SMIM14: variants seen among roughly 807,000 people sequenced by gnomAD.
SMIM14 encodes the protein small integral membrane protein 14, also known as chromosome 4 open reading frame 34.
In SMIM14, 5 loss-of-function variants were observed where a neutral mutation model predicts 12.6. The observed-to-expected ratio is 0.40, with a 90% CI of 0.21 to 0.83. SMIM14 has a LOEUF of 0.83. Among genes scored for constraint, SMIM14 ranks in the 40% least tolerant of loss-of-function variants. The probability of loss-of-function intolerance (pLI) is 0.37; values close to 1 mark genes in which losing one functional copy is unlikely to be tolerated. For synonymous variants in SMIM14, 30 were observed against 40.1 expected, an observed-to-expected ratio of 0.75 and a Z score of 0.95; for missense variants, 86 against 119.1, an observed-to-expected ratio of 0.72 and a Z score of 1.29.
chr4:39,583,599 T>A (rs1249298394), intron 2 of SMIM14, among the ~76,000 whole-genome samples: 1 of 152,112 alleles, frequency 6.6e-6, no homozygotes, highest in African/African-American at 2.4e-5. Flanking sequence ...TGGCTCCCTA[T>A]TGTTCTAGTT....
intron 2 of SMIM14, among the ~76,000 whole-genome samples, chr4:39,573,243 C>T (rs1712993533): frequency 1.3e-5 from 2 of 151,908 alleles, no homozygotes; most frequent in Non-Finnish European, 2.9e-5. Flanking sequence ...TTACAGGCAC[C>T]CGCCACCACA....
At chr4:39,571,013 T>C (rs1357057578) in intron 3 of SMIM14, among the ~76,000 whole-genome samples, 2 of 152,118 alleles carry the variant, frequency 1.3e-5, no homozygotes, top group East Asian at 3.9e-4. Context: ...ATTTTACTAG[T>C]TCCCCTTAAA....
At chr4:39,603,692 T>C (rs1457275867) in intron 2 of SMIM14, among the ~76,000 whole-genome samples, 1 of 152,132 alleles carries the variant, frequency 6.6e-6, no homozygotes, top group Non-Finnish European at 1.5e-5. Context: ...TCTACCTCTG[T>C]CAAATAATTG....
At chr4:39,573,113 A>G (rs887640098) in intron 2 of SMIM14, among the ~76,000 whole-genome samples, 1 of 149,684 alleles carries the variant, frequency 6.7e-6, no homozygotes, top group Non-Finnish European at 1.5e-5. Flanking sequence ...TATTATTATT[A>G]TTATTTAGTT....
At chr4:39,563,731 A>G (rs996150417) in intron 3 of SMIM14, among the ~76,000 whole-genome samples, 11 of 152,268 alleles carry the variant, frequency 7.2e-5, no homozygotes, top group African/African-American at 2.4e-4. Flanking sequence ...CTGGACTAGT[A>G]TAGCATTTCT....
rs1747409001 is a variant in SMIM14, at chr4:39,548,011, T to C, written c.*4115A>G. The C allele has an allele frequency of 6.6e-6, 1 of 152,142 alleles. No individual in the cohort carries two copies. The highest frequency in any genetic ancestry group is 1.5e-5 in the Non-Finnish European group (1 of 68,144). The allele number at this position is 152,142 out of a possible 1,614,324, so 9.4% of individuals were successfully genotyped here. A position where few individuals can be genotyped will look rare whatever the true frequency, so the allele number is the denominator to read the frequency against. ...ACCTCCACCTCCCAGGTTCAAGTGA[T>C]TCTCCTGCCTCAGCTTCCCAAGTAG... On this transcript the variant is annotated 3_prime_UTR_variant, in exon 5 of 5. Transcript: ENST00000295958.
At chr4:39,580,532 T>TC (rs1406817010) in intron 2 of SMIM14, among the ~76,000 whole-genome samples, 1 of 151,400 alleles carries the variant, frequency 6.6e-6, no homozygotes, top group Non-Finnish European at 1.5e-5. Flanking sequence ...TTTCTTTCTT[T>TC]TTTTTTTTAG....
chr4:39,624,740 C>T (rs1715624113), intron 1 of SMIM14, among the ~76,000 whole-genome samples: 1 of 142,054 alleles, frequency 7.0e-6, no homozygotes, highest in African/African-American at 2.6e-5. Context: ...AGAAGAATTG[C>T]TTGAACCTAG....
At chr4:39,628,942 A>T (rs1182647797) in intron 1 of SMIM14, among the ~76,000 whole-genome samples, 1 of 151,244 alleles carries the variant, frequency 6.6e-6, no homozygotes, top group Non-Finnish European at 1.5e-5. Context: ...CATGTTGGAC[A>T]GGCTGGTCTC....
intron 1 of SMIM14, among the ~76,000 whole-genome samples, chr4:39,623,979 A>T (rs2110077325): frequency 6.6e-6 from 1 of 152,322 alleles, no homozygotes; most frequent in South Asian, 2.1e-4. Flanking sequence ...AAAAAAATAG[A>T]ACGTATGCAA....
chr4:39,556,930 G>A (rs1283965763), intron 3 of SMIM14, among the ~76,000 whole-genome samples: 1 of 152,060 alleles, frequency 6.6e-6, no homozygotes, highest in African/African-American at 2.4e-5. Flanking sequence ...TGGGACTACA[G>A]GTGTGTGCCA....
intron 3 of SMIM14, among the ~76,000 whole-genome samples, chr4:39,562,358 CAG>C (rs1285324735): frequency 6.6e-6 from 1 of 151,984 alleles, no homozygotes; most frequent in African/African-American, 2.4e-5. Flanking sequence ...GCCAGGGTGG[CAG>C]AGACAGACCC....
chr4:39,600,973 G>C (rs1016883357), intron 2 of SMIM14, among the ~76,000 whole-genome samples: 1 of 151,926 alleles, frequency 6.6e-6, no homozygotes, highest in Admixed American at 6.6e-5. Context: ...TGTATATTCA[G>C]GGCAACTTGA....
intron 1 of SMIM14, among the ~76,000 whole-genome samples, chr4:39,619,720 A>G (rs1441460098): frequency 1.7e-5 from 2 of 120,810 alleles, no homozygotes; most frequent in Admixed American, 9.2e-5. Context: ...ATATATCAAT[A>G]AATATAATTA....
chr4:39,623,087 C>A (rs1319161601), intron 1 of SMIM14, among the ~76,000 whole-genome samples: 1 of 152,160 alleles, frequency 6.6e-6, no homozygotes, highest in Non-Finnish European at 1.5e-5. Context: ...TTGTTACATA[C>A]GTACAATGTC....
intron 2 of SMIM14, among the ~76,000 whole-genome samples, chr4:39,580,010 T>A (rs1713418016): frequency 6.6e-6 from 1 of 152,118 alleles, no homozygotes; most frequent in Non-Finnish European, 1.5e-5. Context: ...AATCTCTCTC[T>A]AGAGTTACTG....
At chr4:39,599,917 G>A (rs534293723) in intron 2 of SMIM14, among the ~76,000 whole-genome samples, 9 of 137,892 alleles carry the variant, frequency 6.5e-5, no homozygotes, top group Admixed American at 2.3e-4. Flanking sequence ...GTGAGACTCC[G>A]TCTCAAAAAC....
chr4:39,628,372 ATTTT>A, intron 1 of SMIM14, among the ~76,000 whole-genome samples: 1 of 151,824 alleles, frequency 6.6e-6, no homozygotes, highest in East Asian at 1.9e-4. Context: ...AAATTTTAAC[ATTTT>A]AAAATCAGGA....
chr4:39,631,588 A>G (rs1281707188), intron 1 of SMIM14, among the ~76,000 whole-genome samples: 1 of 150,948 alleles, frequency 6.6e-6, no homozygotes, highest in Non-Finnish European at 1.5e-5. Flanking sequence ...GAACCCGGGA[A>G]GCGGAGCTTG....
Sources: allele counts gnomAD v4.1 joint callset (sites outside exome capture counted in the v4.1 genomes callset), GRCh38; gene constraint gnomAD v4.1.1; transcripts MANE v1.5; gene names NCBI Gene and HGNC (gene_info 2026-07-23, HGNC 2026-07-21).